ADAM29: variants seen among roughly 807,000 people sequenced by gnomAD.
The protein encoded by ADAM29 is ADAM metallopeptidase domain 29.
For missense variants in ADAM29, 969 were observed against 1,001.8 expected (o/e 0.97, Z 0.44); for synonymous variants, 367 against 342.3 (o/e 1.07, Z -0.80).
At chr4:174,939,051 C>T (rs1744365070) in intron 4 of ADAM29, among the ~76,000 whole-genome samples, 2 of 152,062 alleles carry the variant, frequency 1.3e-5, no homozygotes, top group Non-Finnish European at 2.9e-5. Flanking sequence ...AGATTTAGGG[C>T]ACACAATAAT....
In ADAM29 at chr4:174,975,878, C is replaced by G. The variant is rs745763441; in HGVS notation, c.353C>G (p.Thr118Ser). ...GDPESLVSLS[T>S]CFGGFQGILQ... Reference sequence around the variant, plus strand: ...CCAGAATCCCTGGTTTCCCTCAGTACCTGTTTTGGGGGTTTTCAAGGAATA... The same window carrying G: ...CCAGAATCCCTGGTTTCCCTCAGTAGCTGTTTTGGGGGTTTTCAAGGAATA... The change falls in exon 5 of 5, where the codon ACC becomes AGC. Residue 118 changes from threonine (T) to serine (S), a missense_variant. Thr to Ser is a moderately conservative substitution (Grantham distance 58). Transcript: ENST00000359240. 6.2e-7 allele frequency: 1 copy of G among 1,613,618 alleles called. No individual in the cohort carries two copies. The highest frequency in any genetic ancestry group is 1.1e-5 in the South Asian group (1 of 90,972).
chr4:174,926,999 A>T (rs891580091), intron 2 of ADAM29, among the ~76,000 whole-genome samples: 1 of 152,246 alleles, frequency 6.6e-6, no homozygotes, highest in Non-Finnish European at 1.5e-5. Flanking sequence ...ATAAATGTCA[A>T]ATATACTTAT....
chr4:174,967,004 T>C (rs1746193441), intron 4 of ADAM29, among the ~76,000 whole-genome samples: 1 of 152,194 alleles, frequency 6.6e-6, no homozygotes, highest in South Asian at 2.1e-4. Context: ...GCACTTTGTG[T>C]ACATACTTGT....
chr4:174,972,627 T>G (rs762036177), intron 4 of ADAM29, among the ~76,000 whole-genome samples: 16 of 152,046 alleles, frequency 1.1e-4, no homozygotes, highest in Non-Finnish European at 2.1e-4. Context: ...AGCTGACACT[T>G]GGGATATTTT....
At chr4:174,927,200 T>C (rs1743570348) in intron 2 of ADAM29, among the ~76,000 whole-genome samples, 1 of 152,202 alleles carries the variant, frequency 6.6e-6, no homozygotes, top group Admixed American at 6.5e-5. Context: ...GACAGTTCAT[T>C]ATACACTCGC....
intron 4 of ADAM29, among the ~76,000 whole-genome samples, chr4:174,963,567 A>G (rs948784509): frequency 6.6e-6 from 1 of 152,248 alleles, no homozygotes; most frequent in African/African-American, 2.4e-5. Flanking sequence ...AAAGAGATTC[A>G]CTGTACTTTC....
At chr4:174,941,139 G>T (rs1005170973) in intron 4 of ADAM29, among the ~76,000 whole-genome samples, 23 of 152,094 alleles carry the variant, frequency 1.5e-4, no homozygotes, top group African/African-American at 5.6e-4. Context: ...GTATAAAAAA[G>T]AAGAAATTTC....
intron 4 of ADAM29, among the ~76,000 whole-genome samples, chr4:174,963,235 T>C (rs777750050): frequency 3.9e-5 from 6 of 152,194 alleles, no homozygotes; most frequent in Non-Finnish European, 7.4e-5. Context: ...GGGACAAATC[T>C]GGACTGTAAG....
chr4:174,926,101 A>T (rs1241521127), intron 2 of ADAM29, among the ~76,000 whole-genome samples: 1 of 152,230 alleles, frequency 6.6e-6, no homozygotes, highest in Admixed American at 6.5e-5. Context: ...TATTTTAAAG[A>T]TTGTAAAATA....
intron 4 of ADAM29, among the ~76,000 whole-genome samples, chr4:174,957,293 A>G (rs1460431445): frequency 6.6e-6 from 1 of 151,792 alleles, no homozygotes; most frequent in Non-Finnish European, 1.5e-5. Flanking sequence ...GCTTAATGCT[A>G]AGGATTATAT....
At chr4:174,935,373 C>T (rs990005427) in intron 3 of ADAM29, among the ~76,000 whole-genome samples, 6 of 151,870 alleles carry the variant, frequency 4.0e-5, no homozygotes, top group Non-Finnish European at 1.5e-5. Context: ...CTCAATAAGC[C>T]CATGTATACA....
At position 174,977,512 on chromosome 4, in the gene ADAM29, G is replaced by A; in HGVS notation, c.1987G>A (p.Asp663Asn). ...GATAAAAGGCTATGGAGGTAGTGTT[G>A]ACAGTGGCCCACCCCCTAAGAGAAA... is the stretch of plus-strand genomic sequence containing the variant. ...CLIKGYGGSV[D>N]SGPPPKRKKK... The change falls in exon 5 of 5, where the codon GAC becomes AAC. Residue 663 changes from aspartate to asparagine, a missense_variant. Transcript: ENST00000359240. 3 of 1,614,208 alleles carry A rather than the reference G, an allele frequency of 1.9e-6. No individual in the cohort carries two copies. Among genetic ancestry groups the A allele is most frequent in the Non-Finnish European group, 2.5e-6 (3 of 1,180,038 alleles).
At chr4:174,923,119 G>A (rs28750347) in intron 2 of ADAM29, among the ~76,000 whole-genome samples, 34,649 of 151,738 alleles carry the variant, frequency 0.23, 5,724 homozygotes, top group African/African-American at 0.47. Context: ...GCAGTGGTGC[G>A]ATCTCGGCTC....
intron 4 of ADAM29, among the ~76,000 whole-genome samples, chr4:174,941,996 G>A (rs143777293): frequency 5.9e-5 from 9 of 152,234 alleles, no homozygotes; most frequent in African/African-American, 1.4e-4. Flanking sequence ...CAGGCCCCAC[G>A]CAATTCCAAA....
chr4:174,921,630 A>T (rs767685103), intron 2 of ADAM29, among the ~76,000 whole-genome samples: 1 of 152,182 alleles, frequency 6.6e-6, no homozygotes, highest in Non-Finnish European at 1.5e-5. Flanking sequence ...TAACAATGTC[A>T]ACTCACATAT....
chr4:174,928,817 T>A (rs945195535), intron 2 of ADAM29, among the ~76,000 whole-genome samples: 1 of 152,176 alleles, frequency 6.6e-6, no homozygotes, highest in African/African-American at 2.4e-5. Flanking sequence ...ATGAAGGCAC[T>A]CCATCTTTCT....
intron 4 of ADAM29, among the ~76,000 whole-genome samples, chr4:174,954,023 TATATC>T (rs1242062542): frequency 6.6e-6 from 1 of 152,170 alleles, no homozygotes; most frequent in Non-Finnish European, 1.5e-5. Context: ...CCATCTTTAT[TATATC>T]ATGTCATTTC....
At position 174,977,871 on chromosome 4, in the gene ADAM29, G is replaced by A. The variant is rs769124201; in HGVS notation, c.2346G>A (p.Met782Ile). 103 of 1,582,482 alleles carry A rather than the reference G, an allele frequency of 6.5e-5. No individual in the cohort carries two copies. In the East Asian group the frequency reaches 2.4e-3, roughly 37 times the overall value. The change falls in exon 5 of 5, where the codon ATG (methionine) becomes ATA (isoleucine). Residue 782 changes from methionine to isoleucine, a missense_variant. Coordinates refer to ENST00000359240, the MANE Select transcript of ADAM29 (RefSeq NM_014269.4). ...CTTCTCAGAGTCAACCTCCTGTGAT[G>A]CCTTCCCAGAGTCATCCTCAGTTGA... is the stretch of plus-strand genomic sequence containing the variant. Reference protein sequence around the residue: ...VMPSQSQPPVMPSQSHPQLTP... With the variant: ...VMPSQSQPPVIPSQSHPQLTP...
intron 4 of ADAM29, among the ~76,000 whole-genome samples, chr4:174,950,298 A>G (rs6819167): frequency 0.52 from 78,930 of 151,940 alleles, 21,218 homozygotes; most frequent in Non-Finnish European, 0.57. Flanking sequence ...AGTCTCCAGT[A>G]TGATAAACCC....
Sources: allele counts gnomAD v4.1 joint callset (sites outside exome capture counted in the v4.1 genomes callset), GRCh38; gene constraint gnomAD v4.1.1; transcripts MANE v1.5; gene names NCBI Gene and HGNC (gene_info 2026-07-23, HGNC 2026-07-21).